Variants in IGF1R observed in about 807,000 individuals in gnomAD.
IGF1R encodes the protein insulin like growth factor 1 receptor.
A neutral mutation model predicts 144.6 loss-of-function variants in IGF1R; 44 were observed. The observed-to-expected ratio is 0.30, with a 90% CI of 0.24 to 0.39. The LOEUF (loss-of-function observed/expected upper bound fraction) is 0.39, where lower values mean the gene tolerates loss of function less well. IGF1R is among the 10% of genes least tolerant of loss of function. The pLI, the probability that IGF1R is intolerant of heterozygous loss-of-function variation, is 1.00. For synonymous variants in IGF1R, 795 were observed against 722.8 expected (o/e 1.10, Z -1.60); for missense variants, 1,355 against 1,833.7 (o/e 0.74, Z 4.77).
chr15:98,694,594 A>C (rs1327201193), intron 1 of IGF1R, among the ~76,000 whole-genome samples: 2 of 151,936 alleles, frequency 1.3e-5, no homozygotes, highest in African/African-American at 4.8e-5. Flanking sequence ...TCACTGCCTG[A>C]TTTGCTTTAA....
At chr15:98,883,111 G>A (rs960759258) in intron 2 of IGF1R, among the ~76,000 whole-genome samples, 1 of 152,224 alleles carries the variant, frequency 6.6e-6, no homozygotes, top group South Asian at 2.1e-4. Flanking sequence ...AGAACAAGAG[G>A]TTGTTTCTTT....
intron 1 of IGF1R, among the ~76,000 whole-genome samples, chr15:98,665,806 G>A (rs553631631): frequency 1.3e-5 from 2 of 152,342 alleles, no homozygotes; most frequent in African/African-American, 4.8e-5. Context: ...GCCTGATGCA[G>A]GATGGTGCGA....
chr15:98,715,984 C>T (rs1202402579), intron 2 of IGF1R, among the ~76,000 whole-genome samples: 1 of 152,234 alleles, frequency 6.6e-6, no homozygotes, highest in East Asian at 1.9e-4. Flanking sequence ...TAAGAAGCTG[C>T]TTTCCTCGAA....
intron 2 of IGF1R, among the ~76,000 whole-genome samples, chr15:98,769,693 T>C (rs2055535604): frequency 1.3e-5 from 2 of 152,238 alleles, no homozygotes; most frequent in Admixed American, 1.3e-4. Flanking sequence ...GACCAGGATA[T>C]GGAGGGGACT....
At chr15:98,943,818 AGTT>A (rs1170217591) in intron 19 of IGF1R, among the ~76,000 whole-genome samples, 4 of 152,166 alleles carry the variant, frequency 2.6e-5, no homozygotes, top group African/African-American at 9.7e-5. Flanking sequence ...CAGAAATGGT[AGTT>A]GTTTACTCCA....
rs1274664555 is a variant in IGF1R at position 98,708,020 on chromosome 15, A to G, written c.553A>G (p.Thr185Ala). Reference protein sequence around the residue: ...PKECGDLCPGTMEEKPMCEKT... With the variant: ...PKECGDLCPGAMEEKPMCEKT... ...GGAATGTGGGGACCTGTGTCCAGGG[A>G]CCATGGAGGAGAAGCCGATGTGTGA... Residue 185 changes from threonine (T) to alanine (A), a missense_variant, in exon 2 of 21, where the codon ACC becomes GCC. By Grantham distance (58) the Thr-to-Ala change is moderately conservative (BLOSUM62 0). Transcript: ENST00000650285. 3 of 1,613,982 alleles carry G rather than the reference A, an allele frequency of 1.9e-6. No homozygotes were observed. The highest frequency in any genetic ancestry group is 4.5e-5 in the East Asian group (2 of 44,886).
intron 2 of IGF1R, among the ~76,000 whole-genome samples, chr15:98,737,564 T>C (rs1047034496): frequency 2.0e-5 from 3 of 152,224 alleles, no homozygotes; most frequent in Non-Finnish European, 4.4e-5. Context: ...TTCTCAGGTA[T>C]GTTTCTCAAT....
intron 1 of IGF1R, among the ~76,000 whole-genome samples, chr15:98,674,199 T>TCA (rs2052971532): frequency 6.6e-6 from 1 of 152,184 alleles, no homozygotes; most frequent in Non-Finnish European, 1.5e-5. Flanking sequence ...TGTTATCACA[T>TCA]CACGGTTAGA....
chr15:98,896,201 CA>C (rs2014186662), intron 3 of IGF1R, among the ~76,000 whole-genome samples: 1 of 152,176 alleles, frequency 6.6e-6, no homozygotes, highest in South Asian at 2.1e-4. Context: ...TGTGCTTTAG[CA>C]AGAAAATAAT....
intron 11 of IGF1R, among the ~76,000 whole-genome samples, chr15:98,923,098 C>T (rs2151692204): frequency 6.6e-6 from 1 of 152,364 alleles, no homozygotes; most frequent in East Asian, 1.9e-4. Flanking sequence ...AGGCAGTCGT[C>T]AGGCTCCCTG....
intron 2 of IGF1R, among the ~76,000 whole-genome samples, chr15:98,785,669 T>C (rs947299400): frequency 3.3e-5 from 5 of 152,126 alleles, no homozygotes; most frequent in African/African-American, 1.2e-4. Context: ...AAGATTGAAT[T>C]CGATAGTGTT....
chr15:98,788,141 C>A (rs554118600), intron 2 of IGF1R, among the ~76,000 whole-genome samples: 2 of 151,854 alleles, frequency 1.3e-5, no homozygotes, highest in African/African-American at 2.4e-5. Flanking sequence ...TGACCTCCTA[C>A]ACATGCCCGT....
chr15:98,891,338 G>T lies in IGF1R; in HGVS notation c.654G>T (p.Thr218=), dbSNP rs760813669. Reference sequence around the variant, plus strand: ...CTCTCTCCACAGTGTGCCCAAGCACGTGTGGGAAGCGGGCGTGCACCGAGA... The same window carrying T: ...CTCTCTCCACAGTGTGCCCAAGCACTTGTGGGAAGCGGGCGTGCACCGAGA... ...TNRCQKMCPS[T]CGKRACTENN... is the part of the protein sequence containing the mutation. The change falls in exon 3 of 21, where the codon ACG becomes ACT. Residue 218 remains threonine (T), a synonymous_variant. Coordinates refer to ENST00000650285, the MANE Select transcript of IGF1R (RefSeq NM_000875.5). This position sits in a 1 kb window ranked among gnomAD's most constrained non-coding sequence, Gnocchi z 4.7. The T allele has an allele frequency of 1.2e-6, 2 of 1,606,516 alleles. No individual in the cohort carries two copies. Among genetic ancestry groups the T allele is most frequent in the Admixed American group, 1.7e-5 (1 of 59,986 alleles).
At chr15:98,670,268 C>T (rs2052854647) in intron 1 of IGF1R, among the ~76,000 whole-genome samples, 1 of 152,048 alleles carries the variant, frequency 6.6e-6, no homozygotes, top group Non-Finnish European at 1.5e-5. Context: ...TCATTTTGCC[C>T]AGAGGGATCT....
At chr15:98,899,821 CAG>C (rs1415950236) in intron 5 of IGF1R, among the ~76,000 whole-genome samples, 200 bp downstream of exon 5, 1 of 152,122 alleles carries the variant, frequency 6.6e-6, no homozygotes, top group Non-Finnish European at 1.5e-5. Context: ...GTTTGGAAAA[CAG>C]AGATGTTATC....
At chr15:98,725,537 C>G (rs1430577655) in intron 2 of IGF1R, among the ~76,000 whole-genome samples, 1 of 152,134 alleles carries the variant, frequency 6.6e-6, no homozygotes, top group African/African-American at 2.4e-5. Context: ...CCTGTTGACC[C>G]AACCCATGCA....
At chr15:98,854,787 G>A (rs1234431860) in intron 2 of IGF1R, among the ~76,000 whole-genome samples, 2 of 152,168 alleles carry the variant, frequency 1.3e-5, no homozygotes, top group African/African-American at 4.8e-5. Flanking sequence ...GACACCCAGT[G>A]AATCTCCCAT....
At chr15:98,752,979 A>G (rs2055053767) in intron 2 of IGF1R, among the ~76,000 whole-genome samples, 1 of 130,898 alleles carries the variant, frequency 7.6e-6, no homozygotes, top group African/African-American at 2.9e-5. Flanking sequence ...TGTGTTGCCC[A>G]GGCTGGAGTG....
chr15:98,733,903 A>C (rs117576967), intron 2 of IGF1R, among the ~76,000 whole-genome samples: 1,570 of 152,220 alleles, frequency 0.01, 8 homozygotes, highest in Non-Finnish European at 0.016. Flanking sequence ...AATTTAGTAC[A>C]TTTGATCTAC....
Sources: gnomAD v4.1 joint callset for allele counts (sites outside exome capture counted in the v4.1 genomes callset) on GRCh38, gnomAD v4.1.1 for gene constraint, Gnocchi (gnomAD v3.1) non-coding constraint, MANE v1.5 for transcripts, NCBI Gene and HGNC (gene_info 2026-07-23, HGNC 2026-07-21) for gene names.